The following NFIB variants were observed in gnomAD, a reference collection of about 807,000 sequenced individuals.
The protein encoded by NFIB is nuclear factor I B, also known as nuclear factor 1 B-type.
A neutral mutation model predicts 61.5 loss-of-function variants in NFIB; 11 were observed. The ratio of observed to expected loss-of-function variants is 0.18; its 90% CI spans 0.11 to 0.30. The LOEUF (loss-of-function observed/expected upper bound fraction) is 0.30. Ranked by LOEUF, NFIB falls within the 10% of genes least tolerant of loss-of-function variation. The pLI, the probability that NFIB is intolerant of heterozygous loss-of-function variation, is 1.00. For synonymous variants in NFIB, 260 were observed against 216.5 expected (o/e 1.20, Z -1.76); for missense variants, 471 against 608.9 (o/e 0.77, Z 2.38).
intron 1 of NFIB, among the ~76,000 whole-genome samples, chr9:14,358,431 T>C (rs2061201767): frequency 1.3e-5 from 2 of 152,162 alleles, no homozygotes; most frequent in South Asian, 4.1e-4. Flanking sequence ...AAAACTGTGT[T>C]TTTTTCCATA....
chr9:14,488,964 C>T, the NFIB span, among the ~76,000 whole-genome samples: 2 of 152,158 alleles, frequency 1.3e-5, no homozygotes, highest in Non-Finnish European at 2.9e-5. Context: ...ACAGTAGTTT[C>T]CTCATTTGAA....
chr9:14,438,255 G>C, the NFIB span, among the ~76,000 whole-genome samples: 2 of 152,128 alleles, frequency 1.3e-5, no homozygotes, highest in African/African-American at 4.8e-5. Flanking sequence ...AGCAGAGGAA[G>C]CCCAAGTCAA....
At chr9:14,401,368 C>T (rs992025805), upstream of NFIB, among the ~76,000 whole-genome samples, 6 of 152,118 alleles carry the variant, frequency 3.9e-5, no homozygotes, top group South Asian at 4.1e-4. Context: ...ATTTTGTCCT[C>T]GTGAGGCCTT....
rs1554681460 is a variant in NFIB at position 14,231,135 on chromosome 9, AATATATAT to A, written c.563-51363_563-51356del. Among the ~76,000 whole-genome samples, 271 of 35,368 alleles carry A rather than the reference AATATATAT, an allele frequency of 7.7e-3. 4 individuals carry two copies. The highest frequency in any genetic ancestry group is 0.014 in the African/African-American group (138 of 9,926). 23.2% of individuals were successfully genotyped at this position (35,368 alleles called of 152,430 possible). ...TTTCCATGGGGAAAAAAAAAAAAAA[AATATATAT>A]ATATATATATATATATATATATATT... On this transcript the variant is annotated intron_variant, in intron 2 of 10. Transcript: ENST00000380953.
the NFIB span, among the ~76,000 whole-genome samples, chr9:14,524,212 CTAAA>C: frequency 6.6e-6 from 1 of 152,056 alleles, no homozygotes; most frequent in African/African-American, 2.4e-5. Context: ...ACTTGAGCAA[CTAAA>C]TAATAGAAGG....
At chr9:14,224,209 A>T (rs1348134016) in intron 2 of NFIB, among the ~76,000 whole-genome samples, 1 of 152,244 alleles carries the variant, frequency 6.6e-6, no homozygotes, top group Non-Finnish European at 1.5e-5. Flanking sequence ...GATAGGCTAC[A>T]CAGAAAATTG....
At chr9:14,336,139 T>C (rs1370359588) in intron 1 of NFIB, among the ~76,000 whole-genome samples, 2 of 152,236 alleles carry the variant, frequency 1.3e-5, no homozygotes, top group African/African-American at 2.4e-5. Context: ...CAATATTATC[T>C]TTGGATGAAC....
chr9:14,355,167 G>A (rs887977863), intron 1 of NFIB, among the ~76,000 whole-genome samples: 1 of 152,166 alleles, frequency 6.6e-6, no homozygotes, highest in African/African-American at 2.4e-5. Context: ...TGATACCTCA[G>A]AATGTGACTG....
At chr9:14,445,698 C>G in the NFIB span, among the ~76,000 whole-genome samples, 1 of 152,100 alleles carries the variant, frequency 6.6e-6, no homozygotes, top group Admixed American at 6.5e-5. Context: ...ATGTTCTATT[C>G]TTTTGGAGCA....
the NFIB span, among the ~76,000 whole-genome samples, chr9:14,482,255 A>C: frequency 6.6e-6 from 1 of 152,064 alleles, no homozygotes; most frequent in Non-Finnish European, 1.5e-5. Context: ...TCTCCTCTCA[A>C]ACAAATCCCT....
chr9:14,181,313 T>G (rs919621479), intron 2 of NFIB, among the ~76,000 whole-genome samples: 2 of 152,190 alleles, frequency 1.3e-5, no homozygotes, highest in African/African-American at 4.8e-5. Context: ...TTCCCACATT[T>G]TCCTCCAATT....
chr9:14,335,086 A>G (rs2060869767), intron 1 of NFIB, among the ~76,000 whole-genome samples: 1 of 152,152 alleles, frequency 6.6e-6, no homozygotes. Flanking sequence ...CTGTTGATGG[A>G]CAATTAGGTT....
chr9:14,525,824 T>C, the NFIB span, among the ~76,000 whole-genome samples: 3 of 152,186 alleles, frequency 2.0e-5, no homozygotes, highest in Non-Finnish European at 4.4e-5. Context: ...GGAAATGTTA[T>C]GGTTCCATTC....
the NFIB span, among the ~76,000 whole-genome samples, chr9:14,414,511 A>G: frequency 8.3e-6 from 1 of 119,998 alleles, no homozygotes; most frequent in South Asian, 2.8e-4. Flanking sequence ...CACGTTTTGT[A>G]TTTTTTTTTT....
chr9:14,421,847 T>C, the NFIB span, among the ~76,000 whole-genome samples: 515 of 152,352 alleles, frequency 3.4e-3, 3 homozygotes, highest in African/African-American at 0.012. Context: ...AGCAGAAATC[T>C]ACAGGTATGT....
the NFIB span, among the ~76,000 whole-genome samples, chr9:14,518,724 C>T: frequency 6.6e-6 from 1 of 152,092 alleles, no homozygotes; most frequent in African/African-American, 2.4e-5. Context: ...GAACTACTCC[C>T]TCCTTTCCTT....
chr9:14,292,154 C>A (rs914514822), intron 2 of NFIB, among the ~76,000 whole-genome samples: 43 of 152,210 alleles, frequency 2.8e-4, no homozygotes, highest in African/African-American at 7.7e-4. Context: ...AATAACCTTT[C>A]ATTATTTTTT....
intron 6 of NFIB, among the ~76,000 whole-genome samples, chr9:14,140,425 T>G (rs1236630863): frequency 6.6e-6 from 1 of 152,160 alleles, no homozygotes; most frequent in Non-Finnish European, 1.5e-5. Flanking sequence ...GATTCTTTGA[T>G]AGAAATAAAA....
intron 1 of NFIB, among the ~76,000 whole-genome samples, chr9:14,355,156 T>C (rs575534548): frequency 7.3e-4 from 111 of 152,288 alleles, no homozygotes; most frequent in African/African-American, 2.6e-3. Context: ...AAAATCACCC[T>C]TGATACCTCA....
Sources: gnomAD v4.1 joint callset for allele counts (sites outside exome capture counted in the v4.1 genomes callset) on GRCh38, gnomAD v4.1.1 for gene constraint, MANE v1.5 for transcripts, NCBI Gene and HGNC (gene_info 2026-07-23, HGNC 2026-07-21) for gene names.